Variants in GPR158 observed in about 807,000 individuals in gnomAD.
GPR158 encodes G protein-coupled receptor 158.
Under a neutral mutation model 78.2 loss-of-function variants are expected in GPR158, and 30 were observed. The observed-to-expected ratio is 0.38, with a 90% confidence interval of 0.29 to 0.52. The LOEUF is 0.52. Among genes scored for constraint, GPR158 ranks in the 20% least tolerant of loss-of-function variants. The pLI is 0.83. For synonymous variants in GPR158, 581 were observed against 591.1 expected (o/e 0.98, Z 0.25); for missense variants, 1,463 against 1,523.5 (o/e 0.96, Z 0.66).
intron 5 of GPR158, among the ~76,000 whole-genome samples, chr10:25,524,481 A>G (rs752763752): frequency 5.9e-5 from 9 of 152,232 alleles, no homozygotes; most frequent in Non-Finnish European, 1.3e-4. Context: ...GAGTTCCAAA[A>G]TACATCTTTC....
intron 5 of GPR158, among the ~76,000 whole-genome samples, chr10:25,542,615 G>A (rs894774377): frequency 2.0e-5 from 3 of 152,048 alleles, no homozygotes; most frequent in Non-Finnish European, 2.9e-5. Context: ...CTGAGGTCAG[G>A]AGTTGGAGAC....
intron 2 of GPR158, among the ~76,000 whole-genome samples, chr10:25,262,830 C>T (rs1853987007): frequency 6.6e-6 from 1 of 152,194 alleles, no homozygotes; most frequent in South Asian, 2.1e-4. Flanking sequence ...ATTATAGTAT[C>T]ATACAGAAAA....
chr10:25,286,371 A>G (rs1406567805), intron 2 of GPR158, among the ~76,000 whole-genome samples: 1 of 152,086 alleles, frequency 6.6e-6, no homozygotes, highest in African/African-American at 2.4e-5. Context: ...TACTGATTAG[A>G]CTATCAAAGG....
intron 2 of GPR158, among the ~76,000 whole-genome samples, chr10:25,332,091 G>C (rs927396882): frequency 6.6e-6 from 1 of 151,476 alleles, no homozygotes; most frequent in Non-Finnish European, 1.5e-5. Flanking sequence ...GAGATTCCTA[G>C]AATGCATTGA....
chr10:25,546,245 AT>A (rs1836660607), intron 5 of GPR158, among the ~76,000 whole-genome samples: 1 of 152,088 alleles, frequency 6.6e-6, no homozygotes, highest in South Asian at 2.1e-4. Flanking sequence ...ATTGTAAAGC[AT>A]TCTTTTATTT....
At position 25,241,272 on chromosome 10, in the gene GPR158, CTTTCTTTCTTTCT is replaced by C. The variant is rs1174864052; in HGVS notation, c.1008+20123_1008+20135del. Among the ~76,000 whole-genome samples the C allele has an allele frequency of 5.6e-4, 33 of 59,146 alleles. 1 individual carries two copies. Among genetic ancestry groups the C allele is most frequent in the East Asian group, 2.9e-3 (5 of 1,700 alleles). The allele number at this position is 59,146 out of a possible 152,430, so 38.8% of individuals were successfully genotyped here. On this transcript the variant is annotated intron_variant, in intron 2 of 10. Coordinates refer to ENST00000376351, the MANE Select transcript of GPR158 (RefSeq NM_020752.3). ...TTCCTTTCTTTCCTTTCTTTCTTTC[CTTTCTTTCTTTCT>C]TTTCTTTTCTTTTCTTTTCTTTTCT...
chr10:25,317,123 C>T (rs1305005983), intron 2 of GPR158, among the ~76,000 whole-genome samples: 2 of 151,650 alleles, frequency 1.3e-5, no homozygotes, highest in Admixed American at 6.6e-5. Context: ...TGGCTCACTG[C>T]AACCTCCACC....
rs561033486 is a variant in GPR158, at chr10:25,248,410, A to C, written c.1008+27253A>C. On this transcript the variant is annotated intron_variant, in intron 2 of 10. Coordinates refer to ENST00000376351, the MANE Select transcript of GPR158 (RefSeq NM_020752.3). ...TGCCCATGCCTATGTCCTGAATGGTAATGCCTAGGTTTTCTTCTAGGGTTT... is the reference window on the plus strand; with the variant it reads ...TGCCCATGCCTATGTCCTGAATGGTCATGCCTAGGTTTTCTTCTAGGGTTT... Among the ~76,000 whole-genome samples, 59 of 152,186 alleles carry C rather than the reference A, an allele frequency of 3.9e-4. 1 individual carries two copies. Among genetic ancestry groups the C allele is most frequent in the African/African-American group, 1.4e-3 (57 of 41,488 alleles).
intron 2 of GPR158, among the ~76,000 whole-genome samples, chr10:25,339,163 A>G (rs1855268449): frequency 2.0e-5 from 3 of 151,120 alleles, no homozygotes. Context: ...TTTAAAATTT[A>G]TTTTATACAG....
intron 5 of GPR158, among the ~76,000 whole-genome samples, chr10:25,483,195 T>C (rs1835681804): frequency 6.6e-6 from 1 of 152,012 alleles, no homozygotes; most frequent in Admixed American, 6.6e-5. Flanking sequence ...AACCCTGCAT[T>C]AGCTCCCTAT....
At chr10:25,549,371 G>A (rs1449388152) in intron 5 of GPR158, among the ~76,000 whole-genome samples, 1 of 151,984 alleles carries the variant, frequency 6.6e-6, no homozygotes, top group Non-Finnish European at 1.5e-5. Flanking sequence ...ACTATGCAAA[G>A]AAATATGTCT....
intron 1 of GPR158, among the ~76,000 whole-genome samples, chr10:25,216,840 A>C (rs766140758): frequency 9.2e-5 from 14 of 152,256 alleles, no homozygotes; most frequent in Non-Finnish European, 1.5e-4. Context: ...AGATAGCATG[A>C]ATTTTTTAGG....
intron 3 of GPR158, among the ~76,000 whole-genome samples, chr10:25,401,662 A>T (rs1834447579): frequency 6.6e-6 from 1 of 152,038 alleles, no homozygotes; most frequent in South Asian, 2.1e-4. Context: ...TTAGAGACTT[A>T]TTTATATTAA....
At chr10:25,324,831 C>CTTTCTTTCTTTCTTT (rs746272253) in intron 2 of GPR158, among the ~76,000 whole-genome samples, 3 of 125,390 alleles carry the variant, frequency 2.4e-5, no homozygotes, top group Admixed American at 8.6e-5. Flanking sequence ...TTTTTTCTTT[C>CTTTCTTTCTTTCTTT]TTTTTTTTTT....
At chr10:25,358,253 GGAC>G (rs1444799149) in intron 2 of GPR158, among the ~76,000 whole-genome samples, 1 of 125,446 alleles carries the variant, frequency 8.0e-6, no homozygotes, top group African/African-American at 4.9e-5. Context: ...ATGAGACTTT[GGAC>G]TGTGGACTTT....
At chr10:25,377,581 T>TA (rs1834098707) in intron 2 of GPR158, among the ~76,000 whole-genome samples, 2 of 152,166 alleles carry the variant, frequency 1.3e-5, no homozygotes, top group African/African-American at 2.4e-5. Context: ...GCTTTCTGTC[T>TA]TGATGGATTT....
intron 2 of GPR158, among the ~76,000 whole-genome samples, chr10:25,228,970 G>T (rs537384404): frequency 2.9e-4 from 44 of 151,028 alleles, no homozygotes; most frequent in Middle Eastern, 3.4e-3. Context: ...CGGAGGCGGG[G>T]TTTACAGTGA....
At chr10:25,242,390 A>G (rs187571319) in intron 2 of GPR158, among the ~76,000 whole-genome samples, 1 of 152,274 alleles carries the variant, frequency 6.6e-6, no homozygotes, top group Non-Finnish European at 1.5e-5. Context: ...AAGTGAAATT[A>G]TACAGAAAAA....
intron 2 of GPR158, among the ~76,000 whole-genome samples, chr10:25,250,279 A>AT (rs1177407946): frequency 1.4e-4 from 17 of 119,118 alleles, no homozygotes; most frequent in Non-Finnish European, 2.2e-4. Flanking sequence ...GGATTCATTG[A>AT]TTTTTTGAAG....
Sources: gnomAD v4.1 joint callset for allele counts (sites outside exome capture counted in the v4.1 genomes callset) on GRCh38, gnomAD v4.1.1 for gene constraint, MANE v1.5 for transcripts, NCBI Gene and HGNC (gene_info 2026-07-23, HGNC 2026-07-21) for gene names.